KCNIP4: variants seen among roughly 807,000 people sequenced by gnomAD.
KCNIP4 encodes the protein potassium voltage-gated channel interacting protein 4.
In KCNIP4, 12 loss-of-function variants were observed where a neutral mutation model predicts 34.0. The ratio of observed to expected loss-of-function variants is 0.35; its 90% CI spans 0.23 to 0.57. KCNIP4 has a LOEUF of 0.57. Among genes scored for constraint, KCNIP4 ranks in the 20% least tolerant of loss-of-function variants. The pLI, the probability that KCNIP4 is intolerant of heterozygous loss-of-function variation, is 0.83. For synonymous variants in KCNIP4, 124 were observed against 102.2 expected (o/e 1.21, Z -1.29); for missense variants, 238 against 311.7 (o/e 0.76, Z 1.78).
At chr4:20,798,725 A>C (rs918453008) in intron 3 of KCNIP4, among the ~76,000 whole-genome samples, 12 of 152,124 alleles carry the variant, frequency 7.9e-5, no homozygotes, top group Non-Finnish European at 1.8e-4. Flanking sequence ...TCAGCTCAGA[A>C]CCAGGGAGGA....
At chr4:21,599,341 A>G (rs939028081) in intron 1 of KCNIP4, among the ~76,000 whole-genome samples, 17 of 152,080 alleles carry the variant, frequency 1.1e-4, no homozygotes, top group African/African-American at 3.9e-4. Context: ...TAAAGTTTCT[A>G]TTATAATAAT....
intron 1 of KCNIP4, among the ~76,000 whole-genome samples, chr4:21,067,076 A>G (rs1744464981): frequency 6.6e-6 from 1 of 152,180 alleles, no homozygotes; most frequent in African/African-American, 2.4e-5. Flanking sequence ...ACAGTAGGAC[A>G]GCGCACCGGA....
intron 1 of KCNIP4, among the ~76,000 whole-genome samples, chr4:21,802,144 A>T (rs1441483577): frequency 6.6e-6 from 1 of 152,120 alleles, no homozygotes; most frequent in African/African-American, 2.4e-5. Context: ...CTGTCTTACA[A>T]ATCAAAACCA....
intron 1 of KCNIP4, among the ~76,000 whole-genome samples, chr4:21,090,102 G>T (rs900975860): frequency 5.9e-5 from 9 of 152,038 alleles, no homozygotes; most frequent in African/African-American, 2.2e-4. Context: ...CAAATCAGTA[G>T]CCCCTCTCCC....
chr4:21,377,236 A>G (rs979091018), intron 1 of KCNIP4, among the ~76,000 whole-genome samples: 2 of 152,202 alleles, frequency 1.3e-5, no homozygotes, highest in African/African-American at 2.4e-5. Flanking sequence ...ATGAAGAGCT[A>G]GAGCTTCCAT....
At chr4:21,641,509 G>A (rs1746615535) in intron 1 of KCNIP4, among the ~76,000 whole-genome samples, 1 of 152,204 alleles carries the variant, frequency 6.6e-6, no homozygotes, top group Admixed American at 6.5e-5. Flanking sequence ...GCCAATGATG[G>A]TTTCTCTGGA....
intron 1 of KCNIP4, among the ~76,000 whole-genome samples, chr4:21,422,781 C>T (rs1342675698): frequency 6.6e-6 from 1 of 152,004 alleles, no homozygotes; most frequent in African/African-American, 2.4e-5. Context: ...CACAATGTAA[C>T]ACAGTGCCAC....
intron 1 of KCNIP4, among the ~76,000 whole-genome samples, chr4:21,426,292 C>T (rs28376487): frequency 0.29 from 43,532 of 152,012 alleles, 7,154 homozygotes; most frequent in Non-Finnish European, 0.38. Context: ...TGGAGTCTTT[C>T]GGGTGTGATG....
chr4:21,322,531 TA>T (rs1256824424), intron 1 of KCNIP4, among the ~76,000 whole-genome samples: 2 of 152,052 alleles, frequency 1.3e-5, no homozygotes, highest in African/African-American at 4.8e-5. Flanking sequence ...ATACAACACA[TA>T]ATAATGCTGT....
intron 1 of KCNIP4, among the ~76,000 whole-genome samples, chr4:21,903,148 G>T (rs1727800626): frequency 6.6e-6 from 1 of 152,152 alleles, no homozygotes; most frequent in Non-Finnish European, 1.5e-5. Context: ...ATCTCTGATT[G>T]TGTCTACAAC....
intron 1 of KCNIP4, among the ~76,000 whole-genome samples, chr4:21,488,079 A>G (rs4314272): frequency 0.24 from 35,996 of 151,872 alleles, 4,356 homozygotes; most frequent in South Asian, 0.3. Flanking sequence ...TTGACATAGA[A>G]GGAGAATATA....
chr4:21,137,088 G>A (rs995118010), intron 1 of KCNIP4, among the ~76,000 whole-genome samples: 10 of 149,124 alleles, frequency 6.7e-5, no homozygotes, highest in Admixed American at 4.0e-4. Context: ...CTGTCCTGTC[G>A]TCTTGGCAAA....
intron 2 of KCNIP4, among the ~76,000 whole-genome samples, chr4:20,862,988 G>A (rs1722374664): frequency 6.6e-6 from 1 of 152,116 alleles, no homozygotes; most frequent in African/African-American, 2.4e-5. Flanking sequence ...GGTGGGAGGA[G>A]GAAGAGGATT....
intron 1 of KCNIP4, among the ~76,000 whole-genome samples, chr4:21,336,948 G>A (rs1716235930): frequency 6.6e-6 from 1 of 152,124 alleles, no homozygotes; most frequent in African/African-American, 2.4e-5. Flanking sequence ...CTAAATAGGG[G>A]TGAGGAAGAA....
At chr4:21,356,325 A>G (rs1218881674) in intron 1 of KCNIP4, among the ~76,000 whole-genome samples, 2 of 152,182 alleles carry the variant, frequency 1.3e-5, no homozygotes, top group African/African-American at 4.8e-5. Flanking sequence ...GGCCAGGGCA[A>G]TCAGGCAAGA....
Position 21,338,564 on chromosome 4 carries a change from G to A in KCNIP4, c.62-455855C>T, listed in dbSNP as rs543712763. Among the ~76,000 whole-genome samples the A allele has an allele frequency of 8.1e-4, 122 of 150,090 alleles. 1 individual carries two copies. The highest frequency in any genetic ancestry group is 1.4e-3 in the Non-Finnish European group (95 of 67,592). ...AAAGGTTGCAGTGAGCTGGGATTGC[G>A]CCATTGCACTCCAGCCTAGGTGACA... On this transcript the variant is annotated intron_variant, in intron 1 of 8. Transcript: ENST00000382152.
In KCNIP4 at chr4:21,559,512, A is replaced by ATGT. The variant is rs1739349722; in HGVS notation, c.61+389058_61+389059insACA. ...AATTGATGGCATCTGTCCCTTAAGG[A>ATGT]GTTCGGAGTATACAGAAGGACACAC... On this transcript the variant is annotated intron_variant, in intron 1 of 8. Coordinates refer to ENST00000382152, the MANE Select transcript of KCNIP4 (RefSeq NM_025221.6). Among the ~76,000 whole-genome samples, 7 of 152,234 alleles carry ATGT rather than the reference A, an allele frequency of 4.6e-5. No homozygotes were observed. The South Asian group carries it at 1.5e-3, about 32-fold the overall frequency.
At chr4:21,322,112 A>G (rs1714550268) in intron 1 of KCNIP4, among the ~76,000 whole-genome samples, 1 of 134,308 alleles carries the variant, frequency 7.4e-6, no homozygotes, top group South Asian at 3.1e-4. Flanking sequence ...GAGGAAGGGA[A>G]GGAAGAAAGG....
chr4:21,455,847 A>T (rs1179453860), intron 1 of KCNIP4, among the ~76,000 whole-genome samples: 1 of 108,324 alleles, frequency 9.2e-6, no homozygotes, highest in Non-Finnish European at 1.8e-5. Context: ...ATATATATAT[A>T]TATATATATG....
Sources: allele counts gnomAD v4.1 joint callset (sites outside exome capture counted in the v4.1 genomes callset), GRCh38; gene constraint gnomAD v4.1.1; transcripts MANE v1.5; gene names NCBI Gene and HGNC (gene_info 2026-07-23, HGNC 2026-07-21).